PALS1: variants seen among roughly 807,000 people sequenced by gnomAD.
The protein encoded by PALS1 is protein PALS1.
PALS1 carries 31 observed loss-of-function variants against 78.9 expected under a neutral mutation model. The ratio of observed to expected loss-of-function variants is 0.39; its 90% CI spans 0.30 to 0.53. The LOEUF (loss-of-function observed/expected upper bound fraction) is 0.53. PALS1 is among the 20% of genes least tolerant of loss of function. The pLI is 0.67. For synonymous variants in PALS1, 276 were observed against 270.9 expected (o/e 1.02, Z -0.18); for missense variants, 704 against 826.5 (o/e 0.85, Z 1.82).
At chr14:67,279,789 G>A in intron 3 of PALS1, 1 of 379,480 alleles carries the variant, frequency 2.6e-6, no homozygotes, top group Non-Finnish European at 4.7e-6. Flanking sequence ...TTCTGCATGG[G>A]CCCTAACATT....
At chr14:67,304,489 A>G (rs2084973627) in intron 8 of PALS1, among the ~76,000 whole-genome samples, 1 of 152,216 alleles carries the variant, frequency 6.6e-6, no homozygotes, top group African/African-American at 2.4e-5. Context: ...GATATATGCT[A>G]CAACATGGAT....
rs1199812636 is a variant in PALS1 at position 67,334,527 on chromosome 14, GA to G, written c.*1572del. On this transcript the variant is annotated 3_prime_UTR_variant, in exon 15 of 15. Coordinates refer to ENST00000261681, the MANE Select transcript of PALS1 (RefSeq NM_022474.4). ...ATTTGTGTCATGTACATATTTGATT[GA>G]TTTTTTTTCTTCTACATAATTTTAT... 4.6e-5 allele frequency: 7 copies of G among 152,444 alleles called. No individual in the cohort carries two copies. Among genetic ancestry groups the G allele is most frequent in the African/African-American group, 1.7e-4 (7 of 41,378 alleles). The allele number at this position is 152,444 out of a possible 1,614,324, so 9.4% of individuals were successfully genotyped here. A position where few individuals can be genotyped will look rare whatever the true frequency, so the allele number is the denominator to read the frequency against.
chr14:67,303,655 G>C (rs1268615341), intron 8 of PALS1, 56 bp downstream of exon 8: 15 of 1,232,266 alleles, frequency 1.2e-5, no homozygotes, highest in Non-Finnish European at 1.6e-5. Context: ...GTTTACTTCT[G>C]TTACTGTTTA....
intron 9 of PALS1, among the ~76,000 whole-genome samples, chr14:67,315,285 T>TAA (rs2085152433): frequency 6.9e-6 from 1 of 143,898 alleles, no homozygotes; most frequent in African/African-American, 2.6e-5. Context: ...TTTTTTTTTT[T>TAA]TTTTTTTTTG....
In PALS1 at chr14:67,276,307, A is replaced by G. The variant is rs575985461; in HGVS notation, c.-153-2711A>G. On this transcript the variant is annotated intron_variant, in intron 2 of 14. Transcript: ENST00000261681. ...GTCCCATCCAGCTTTATTGTATTCTATTCTGTTTTCTGAAAGTGCCATTCT... is the reference window on the plus strand; with the variant it reads ...GTCCCATCCAGCTTTATTGTATTCTGTTCTGTTTTCTGAAAGTGCCATTCT... Among the ~76,000 whole-genome samples the G allele has an allele frequency of 1.1e-3, 172 of 152,098 alleles. 1 individual carries two copies. Among genetic ancestry groups the G allele is most frequent in the African/African-American group, 3.5e-3 (146 of 41,486 alleles).
At chr14:67,278,952 G>A in intron 2 of PALS1, 66 bp from the exon 3 acceptor site, 1 of 411,952 alleles carries the variant, frequency 2.4e-6, no homozygotes. Context: ...TTAGAAGTGG[G>A]CTCTGTAAAA....
chr14:67,246,656 T>TG (rs1055288232), intron 1 of PALS1, among the ~76,000 whole-genome samples: 5 of 147,878 alleles, frequency 3.4e-5, no homozygotes, highest in African/African-American at 1.0e-4. Context: ...TAGGTTTTTT[T>TG]TTTTTTTTTT....
chr14:67,255,166 C>T (rs1039331815), intron 1 of PALS1, among the ~76,000 whole-genome samples: 38 of 151,724 alleles, frequency 2.5e-4, no homozygotes, highest in African/African-American at 8.0e-4. Context: ...AAAAAAAGTT[C>T]GAATCTCTTA....
intron 1 of PALS1, among the ~76,000 whole-genome samples, chr14:67,266,067 A>T (rs1310701740): frequency 6.6e-6 from 1 of 152,098 alleles, no homozygotes; most frequent in East Asian, 1.9e-4. Context: ...TCTGCTTCCC[A>T]AAGTGTTGGG....
At chr14:67,286,203 A>T in intron 3 of PALS1, among the ~76,000 whole-genome samples, 1 of 152,120 alleles carries the variant, frequency 6.6e-6, no homozygotes, top group East Asian at 1.9e-4. Flanking sequence ...CCGCCTTAGT[A>T]CTTACTTTTT....
intron 11 of PALS1, among the ~76,000 whole-genome samples, chr14:67,319,830 C>T (rs1477147405): frequency 2.0e-5 from 3 of 152,112 alleles, no homozygotes; most frequent in South Asian, 2.1e-4. Flanking sequence ...TTGTATTCAG[C>T]GTATACATTA....
At position 67,334,064 on chromosome 14, in the gene PALS1, A is replaced by C. The variant is rs1424048903; in HGVS notation, c.*1108A>C. On this transcript the variant is annotated 3_prime_UTR_variant, in exon 15 of 15. Transcript: ENST00000261681. Reference sequence around the variant, plus strand: ...ATAAAATTATATATGTCCTTGGGAAATATTATGACAGTTGACTTTAAGATC... The same window carrying C: ...ATAAAATTATATATGTCCTTGGGAACTATTATGACAGTTGACTTTAAGATC... 6.6e-6 allele frequency: 1 copy of C among 152,560 alleles called. No homozygotes were observed. Among genetic ancestry groups the C allele is most frequent in the Non-Finnish European group, 1.5e-5 (1 of 68,022 alleles). 9.5% of individuals were successfully genotyped at this position (152,560 alleles called of 1,614,324 possible). A position where few individuals can be genotyped will look rare whatever the true frequency, so the allele number is the denominator to read the frequency against.
At chr14:67,327,588 C>A (rs1025885642) in intron 14 of PALS1, among the ~76,000 whole-genome samples, 5 of 151,990 alleles carry the variant, frequency 3.3e-5, no homozygotes, top group African/African-American at 9.7e-5. Flanking sequence ...GTGCTGCACC[C>A]GTTAACTCGT....
chr14:67,292,513 A>G lies in PALS1; in HGVS notation c.370A>G (p.Ile124Val). The G allele has an allele frequency of 1.3e-6, 2 of 1,595,790 alleles. No homozygotes were observed. The highest frequency in any genetic ancestry group is 2.2e-5 in the South Asian group (2 of 90,416). ...GATACCTTTTCTTCTTCTACTAGAAATAGAAGACTTGTTTTCTTCACTTAA... is the reference window on the plus strand; with the variant it reads ...GATACCTTTTCTTCTTCTACTAGAAGTAGAAGACTTGTTTTCTTCACTTAA... Reference protein sequence around the residue: ...SPHYAVKILEIEDLFSSLKHI... With the variant: ...SPHYAVKILEVEDLFSSLKHI... The change falls in exon 4 of 15, where the codon ATA becomes GTA. Residue 124 changes from isoleucine (I) to valine (V), a missense_variant and splice_region_variant. Coordinates refer to ENST00000261681, the MANE Select transcript of PALS1 (RefSeq NM_022474.4).
intron 10 of PALS1, 57 bp downstream of exon 10, chr14:67,316,960 A>C: frequency 7.2e-7 from 1 of 1,393,970 alleles, no homozygotes; most frequent in Non-Finnish European, 1.0e-6. Context: ...ATCTGGAGCC[A>C]TGTGTGAATC....
rs138830357 is a variant in PALS1 at position 67,251,049 on chromosome 14, T to C, written c.-237+9516T>C. On this transcript the variant is annotated intron_variant, in intron 1 of 14. Coordinates refer to ENST00000261681, the MANE Select transcript of PALS1 (RefSeq NM_022474.4). ...ATGAGGAAATTGAGGCTCAGAGAGA[T>C]TAAATATTTTTTCCATAGTCCTATT... Among the ~76,000 whole-genome samples, 37 of 152,344 alleles carry C rather than the reference T, an allele frequency of 2.4e-4. No homozygotes were observed. In the East Asian group the frequency reaches 7.1e-3, roughly 29 times the overall value.
At position 67,292,648 on chromosome 14, in the gene PALS1, A is replaced by G; in HGVS notation, c.505A>G (p.Ile169Val). The G allele has an allele frequency of 6.2e-7, 1 of 1,613,808 alleles. No individual in the cohort carries two copies. Among genetic ancestry groups the G allele is most frequent in the Non-Finnish European group, 8.5e-7 (1 of 1,179,792 alleles). ...GAATGCATTTAAGATACACAATGCC[A>G]TCACAGTACACATGAACAAGGCCAG... is the stretch of plus-strand genomic sequence containing the variant. ...FQNAFKIHNA[I>V]TVHMNKASPP... The change falls in exon 4 of 15, where the codon ATC (isoleucine) becomes GTC (valine). Residue 169 changes from isoleucine to valine, a missense_variant. Transcript: ENST00000261681.
intron 9 of PALS1, among the ~76,000 whole-genome samples, chr14:67,316,343 A>T (rs764814298): frequency 5.3e-5 from 8 of 152,202 alleles, no homozygotes; most frequent in Non-Finnish European, 7.3e-5. Context: ...ATATACATAC[A>T]CAAAAGAAGA....
Position 67,279,177 on chromosome 14 carries a change from A to C in PALS1, c.7A>C (p.Thr3Pro). The change falls in exon 3 of 15, where the codon ACA becomes CCA. Residue 3 changes from threonine to proline, a missense_variant. By Grantham distance (38) the Thr-to-Pro change is conservative. Transcript: ENST00000261681. ...CAGGTTTTCATAGATAACCATGACA[A>C]CATCCCATATGAATGGGCATGTTAC... is the stretch of plus-strand genomic sequence containing the variant. Reference protein sequence around the residue: MTTSHMNGHVTEE... With the variant: MTPSHMNGHVTEE... 1 of 1,586,662 alleles carries C rather than the reference A, an allele frequency of 6.3e-7. No individual in the cohort carries two copies. Among genetic ancestry groups the C allele is most frequent in the Non-Finnish European group, 8.6e-7 (1 of 1,169,050 alleles).
Sources: gnomAD v4.1 joint callset for allele counts (sites outside exome capture counted in the v4.1 genomes callset) on GRCh38, gnomAD v4.1.1 for gene constraint, MANE v1.5 for transcripts, NCBI Gene and HGNC (gene_info 2026-07-23, HGNC 2026-07-21) for gene names.